The following ADAM2 variants were observed in gnomAD, a reference collection of about 807,000 sequenced individuals.
ADAM2 encodes disintegrin and metalloproteinase domain-containing protein 2.
A neutral mutation model predicts 99.3 loss-of-function variants in ADAM2; 101 were observed. The ratio of observed to expected loss-of-function variants is 1.02; its 90% confidence interval spans 0.87 to 1.20. The LOEUF (loss-of-function observed/expected upper bound fraction) is 1.20, where lower values mean the gene tolerates loss of function less well. Among genes scored for constraint, ADAM2 ranks in the 50% most tolerant of loss-of-function variants. ADAM2 has a pLI of 0.00. For missense variants in ADAM2, 948 were observed against 878.7 expected (o/e 1.08, Z -1.00); for synonymous variants, 323 against 287.6 (o/e 1.12, Z -1.25).
intron 10 of ADAM2, among the ~76,000 whole-genome samples, chr8:39,782,646 T>C (rs1194739976): frequency 6.6e-6 from 1 of 152,166 alleles, no homozygotes; most frequent in Non-Finnish European, 1.5e-5. Flanking sequence ...TCCATATTTA[T>C]TGCCATTAAT....
At chr8:39,827,942 T>C (rs1235287872) in intron 3 of ADAM2, among the ~76,000 whole-genome samples, 2 of 152,084 alleles carry the variant, frequency 1.3e-5, no homozygotes, top group Non-Finnish European at 2.9e-5. Flanking sequence ...TCACAATGTA[T>C]ACATATCTAA....
intron 6 of ADAM2, among the ~76,000 whole-genome samples, chr8:39,818,852 A>G (rs1357151606): frequency 6.6e-6 from 1 of 152,012 alleles, no homozygotes; most frequent in African/African-American, 2.4e-5. Flanking sequence ...GCTTTACTGA[A>G]GACTTAGGCT....
In ADAM2 at chr8:39,815,610, C is replaced by G. The variant is rs148528868; in HGVS notation, c.513+5392G>C. Among the ~76,000 whole-genome samples, 708 of 152,254 alleles carry G rather than the reference C, an allele frequency of 4.7e-3. 5 individuals are homozygous for G. Among genetic ancestry groups the G allele is most frequent in the Middle Eastern group, 0.041 (12 of 294 alleles). The stretch of plus-strand genomic sequence containing the variant: ...AACTTAATAATCAACTTGGCAAGCA[C>G]TTCCTGGTAGAAGCTTCTTGGTATT... On this transcript the variant is annotated intron_variant, in intron 6 of 20. Coordinates refer to ENST00000265708, the MANE Select transcript of ADAM2 (RefSeq NM_001464.5).
chr8:39,812,883 C>A (rs1804764119), intron 6 of ADAM2, among the ~76,000 whole-genome samples: 3 of 152,034 alleles, frequency 2.0e-5, no homozygotes, highest in Admixed American at 1.3e-4. Flanking sequence ...ACTAAAACAC[C>A]AAAAGCAATG....
intron 10 of ADAM2, among the ~76,000 whole-genome samples, chr8:39,777,821 A>G (rs1385770729): frequency 2.6e-5 from 4 of 151,752 alleles, no homozygotes; most frequent in Admixed American, 6.6e-5. Context: ...TTGTGTACCC[A>G]TAATAAAAAT....
At chr8:39,755,936 T>C (rs746409395) in intron 15 of ADAM2, 25 bp from the exon 16 acceptor site, 25 of 1,237,514 alleles carry the variant, frequency 2.0e-5, no homozygotes, top group Non-Finnish European at 2.7e-5. Context: ...CAAATAAAAA[T>C]TATTAATTTT....
At chr8:39,750,027 A>G (rs1823662563) in intron 16 of ADAM2, among the ~76,000 whole-genome samples, 1 of 152,124 alleles carries the variant, frequency 6.6e-6, no homozygotes, top group African/African-American at 2.4e-5. Context: ...AAACACAAAT[A>G]AGTACGTAAT....
At chr8:39,787,579 ATATG>A (rs768744720) in intron 9 of ADAM2, among the ~76,000 whole-genome samples, 191 of 71,380 alleles carry the variant, frequency 2.7e-3, no homozygotes, top group Middle Eastern at 0.01. Context: ...CACACATAAT[ATATG>A]TATATATATT....
At position 39,766,847 on chromosome 8, in the gene ADAM2, C is replaced by A. The variant is rs749333420; in HGVS notation, c.1507+1G>T. The A allele has an allele frequency of 5.7e-6, 9 of 1,572,248 alleles. No individual in the cohort carries two copies. Among genetic ancestry groups the A allele is most frequent in the Admixed American group, 1.8e-5 (1 of 56,876 alleles). On this transcript the variant is annotated splice_donor_variant, in intron 14 of 20. Coordinates refer to ENST00000265708, the MANE Select transcript of ADAM2 (RefSeq NM_001464.5). LOFTEE classifies it high-confidence loss of function. ...ATGAGAAATCAAATGATAATAAATA[C>A]CTTTGCCAAATGTGTCTGTACATTG...
At chr8:39,769,041 G>A (rs1225662527) in intron 12 of ADAM2, among the ~76,000 whole-genome samples, 1 of 152,132 alleles carries the variant, frequency 6.6e-6, no homozygotes, top group Non-Finnish European at 1.5e-5. Context: ...AGGTATGTTA[G>A]TTATCTAGAT....
intron 10 of ADAM2, 65 bp from the exon 11 acceptor site, chr8:39,777,226 A>G (rs1803028337): frequency 7.7e-7 from 1 of 1,299,188 alleles, no homozygotes. Context: ...GAACAATGCA[A>G]TTATTAAAGA....
chr8:39,831,168 C>T (rs1161280310), intron 3 of ADAM2, among the ~76,000 whole-genome samples: 1 of 152,130 alleles, frequency 6.6e-6, no homozygotes, highest in Non-Finnish European at 1.5e-5. Flanking sequence ...GACTAAGACA[C>T]CTGCTGTACA....
chr8:39,757,706 G>A (rs1011286450), intron 15 of ADAM2, among the ~76,000 whole-genome samples: 2 of 152,116 alleles, frequency 1.3e-5, no homozygotes, highest in African/African-American at 4.8e-5. Context: ...TATAGTTTGA[G>A]TCCAGCTATG....
At chr8:39,811,070 A>C (rs1181569825) in intron 6 of ADAM2, among the ~76,000 whole-genome samples, 1 of 152,174 alleles carries the variant, frequency 6.6e-6, no homozygotes, top group Admixed American at 6.5e-5. Flanking sequence ...AAGAGAGAAG[A>C]ATCAAAAAGA....
intron 12 of ADAM2, among the ~76,000 whole-genome samples, chr8:39,768,903 A>G (rs1253588414): frequency 6.6e-6 from 1 of 152,200 alleles, no homozygotes; most frequent in Non-Finnish European, 1.5e-5. Flanking sequence ...AAACATGACT[A>G]CAGTTAACAA....
intron 14 of ADAM2, among the ~76,000 whole-genome samples, chr8:39,766,469 T>A (rs1802570664): frequency 6.6e-6 from 1 of 151,570 alleles, no homozygotes; most frequent in Non-Finnish European, 1.5e-5. Context: ...AGGTGGAGTC[T>A]CACTCTTTCT....
intron 4 of ADAM2, among the ~76,000 whole-genome samples, chr8:39,824,274 C>CAAAAAAAAAAAAAAAAAA (rs201545294): frequency 1.2e-5 from 1 of 83,502 alleles, no homozygotes. Flanking sequence ...AACTCTATCT[C>CAAAAAAAAAAAAAAAAAA]AAAAAAAAAA....
chr8:39,743,809 A>G lies in ADAM2; in HGVS notation c.*286T>C, dbSNP rs992079541. On this transcript the variant is annotated 3_prime_UTR_variant, in exon 21 of 21. Transcript: ENST00000265708. ...TGATATTTCCTTATACCATGCCCCT[A>G]CTGACAGAATTAGTGTCTACTAACC... is the stretch of plus-strand genomic sequence containing the variant. 5 of 152,146 alleles carry G rather than the reference A, an allele frequency of 3.3e-5. No individual in the cohort carries two copies. The highest frequency in any genetic ancestry group is 1.9e-4 in the East Asian group (1 of 5,198). The allele number at this position is 152,146 out of a possible 1,614,324, so 9.4% of individuals were successfully genotyped here.
At position 39,766,873 on chromosome 8, in the gene ADAM2, T is replaced by C. The variant is rs577924709; in HGVS notation, c.1482A>G (p.Lys494=). ...CTTTGCCAAATGTGTCTGTACATTGTTTATCCCCACTCATACAAACTCCAT... is the reference window on the plus strand; with the variant it reads ...CTTTGCCAAATGTGTCTGTACATTGCTTATCCCCACTCATACAAACTCCAT... ...CIDGVCMSGD[K]QCTDTFGKEV... The change falls in exon 14 of 21, where the codon AAA becomes AAG. Residue 494 remains lysine, a synonymous_variant. Transcript: ENST00000265708. 3.9e-5 allele frequency: 62 copies of C among 1,608,422 alleles called. No homozygotes were observed. In the South Asian group the frequency reaches 6.9e-4, roughly 18 times the overall value.
Sources: gnomAD v4.1 joint callset for allele counts (sites outside exome capture counted in the v4.1 genomes callset) on GRCh38, gnomAD v4.1.1 for gene constraint, MANE v1.5 for transcripts, NCBI Gene and HGNC (gene_info 2026-07-23, HGNC 2026-07-21) for gene names.